The following PIP5K1B variants were observed in gnomAD, a reference collection of about 807,000 sequenced individuals.
PIP5K1B encodes the protein phosphatidylinositol 4-phosphate 5-kinase type-1 beta.
A neutral mutation model predicts 67.0 loss-of-function variants in PIP5K1B; 42 were observed. The observed-to-expected ratio is 0.63, with a 90% CI of 0.49 to 0.81. The LOEUF (loss-of-function observed/expected upper bound fraction) is 0.81. Among genes scored for constraint, PIP5K1B ranks in the 30% least tolerant of loss-of-function variants. The pLI, the probability that PIP5K1B is intolerant of heterozygous loss-of-function variation, is 0.00. For synonymous variants in PIP5K1B, 214 were observed against 231.4 expected (o/e 0.92, Z 0.68); for missense variants, 459 against 646.3 (o/e 0.71, Z 3.14).
At chr9:68,965,105 C>T (rs1315023833) in intron 14 of PIP5K1B, among the ~76,000 whole-genome samples, 1 of 152,168 alleles carries the variant, frequency 6.6e-6, no homozygotes, top group Non-Finnish European at 1.5e-5. Context: ...ATTAGAATGC[C>T]ACTCTGCTGT....
chr9:68,821,660 A>T (rs575749061), intron 3 of PIP5K1B, among the ~76,000 whole-genome samples: 4 of 152,354 alleles, frequency 2.6e-5, no homozygotes, highest in Admixed American at 2.6e-4. Context: ...AAATTTACCA[A>T]TATGTAGTAA....
intron 1 of PIP5K1B, chr9:68,739,814 C>T (rs1266918771): frequency 6.6e-6 from 1 of 152,258 alleles, no homozygotes; most frequent in Non-Finnish European, 1.5e-5. Flanking sequence ...ATTTCAGGTT[C>T]TCAGTCTAGG....
chr9:68,897,670 G>A (rs910316560), intron 8 of PIP5K1B, among the ~76,000 whole-genome samples: 2 of 152,176 alleles, frequency 1.3e-5, no homozygotes, highest in African/African-American at 4.8e-5. Flanking sequence ...TTCTGGTGGT[G>A]CCAGGGAGCT....
At chr9:68,940,426 AT>A (rs940482184) in intron 13 of PIP5K1B, among the ~76,000 whole-genome samples, 129 of 152,272 alleles carry the variant, frequency 8.5e-4, no homozygotes, top group African/African-American at 3.0e-3. Context: ...TCCATGAGCC[AT>A]TTTGTAAATT....
At chr9:68,957,752 A>C (rs1404170912) in intron 14 of PIP5K1B, among the ~76,000 whole-genome samples, 1 of 152,192 alleles carries the variant, frequency 6.6e-6, no homozygotes, top group Non-Finnish European at 1.5e-5. Context: ...GCACCTCTTA[A>C]GTGGGGTCTT....
chr9:68,978,938 A>C (rs1829761544), intron 14 of PIP5K1B, among the ~76,000 whole-genome samples: 1 of 152,154 alleles, frequency 6.6e-6, no homozygotes, highest in Non-Finnish European at 1.5e-5. Context: ...TCGGTGATCC[A>C]TCTCAAATTA....
intron 14 of PIP5K1B, among the ~76,000 whole-genome samples, chr9:68,942,461 A>AGTGGTG (rs565129924): frequency 6.6e-6 from 1 of 151,564 alleles, no homozygotes; most frequent in African/African-American, 2.4e-5. Context: ...TTTTGGTAGC[A>AGTGGTG]GTGGTGGTGG....
At chr9:68,832,714 G>C (rs1398481104) in intron 4 of PIP5K1B, among the ~76,000 whole-genome samples, 1 of 152,162 alleles carries the variant, frequency 6.6e-6, no homozygotes, top group African/African-American at 2.4e-5. Flanking sequence ...CAGAAATTGG[G>C]TTCAATTACT....
rs1335155054 is a variant in PIP5K1B at position 68,822,654 on chromosome 9, A to G, written c.40A>G (p.Lys14Glu). The change falls in exon 4 of 16, where the codon AAA becomes GAA. Residue 14 changes from lysine (K) to glutamate (E), a missense_variant. This residue lies in a region of PIP5K1B where 290 missense variants were observed against 474.4 expected (regional missense o/e 0.61). Transcript: ENST00000265382. Reference protein sequence around the residue: ...AAENGEAAPGKQNEEKTYKKT... With the variant: ...AAENGEAAPGEQNEEKTYKKT... The stretch of plus-strand genomic sequence containing the variant: ...TGAAAATGGAGAGGCAGCACCTGGA[A>G]AACAAAATGAAGAAAAAACCTATAA... The G allele has an allele frequency of 6.2e-7, 1 of 1,613,342 alleles. No individual in the cohort carries two copies. The highest frequency in any genetic ancestry group is 1.1e-5 in the South Asian group (1 of 91,004).
intron 2 of PIP5K1B, among the ~76,000 whole-genome samples, chr9:68,747,739 T>C (rs898179344): frequency 6.6e-6 from 1 of 152,116 alleles, no homozygotes; most frequent in Admixed American, 6.5e-5. Flanking sequence ...ATCCAAAAAG[T>C]AGAGTACTAG....
chr9:68,955,810 C>T (rs372490507), intron 14 of PIP5K1B, among the ~76,000 whole-genome samples: 5 of 152,108 alleles, frequency 3.3e-5, no homozygotes, highest in African/African-American at 1.2e-4. Flanking sequence ...GTTATGACTA[C>T]CATTAATTCA....
chr9:68,886,567 A>G (rs1824488144), intron 6 of PIP5K1B, among the ~76,000 whole-genome samples: 1 of 152,182 alleles, frequency 6.6e-6, no homozygotes, highest in Admixed American at 6.5e-5. Flanking sequence ...AACTCGAGGA[A>G]AAGGAAACAG....
intron 15 of PIP5K1B, among the ~76,000 whole-genome samples, chr9:68,997,620 T>G (rs1187893951): frequency 6.6e-6 from 1 of 152,148 alleles, no homozygotes; most frequent in Non-Finnish European, 1.5e-5. Context: ...TTAGGGCCCT[T>G]GTTTGTTTCC....
At chr9:68,721,110 C>T (rs1194009824) in intron 1 of PIP5K1B, among the ~76,000 whole-genome samples, 6 of 152,068 alleles carry the variant, frequency 3.9e-5, no homozygotes, top group African/African-American at 1.4e-4. Context: ...GTGTATCGGG[C>T]CAGACCATCG....
In PIP5K1B at chr9:68,967,943, T is replaced by C. The variant is rs368751196; in HGVS notation, c.1503-23197T>C. On this transcript the variant is annotated intron_variant, in intron 14 of 15. Coordinates refer to ENST00000265382, the MANE Select transcript of PIP5K1B (RefSeq NM_003558.4). ...AGGACTACACAGAATACCAGAAGGATTGCTCCCCAAAACCCAGTGAGCTGC... is the reference window on the plus strand; with the variant it reads ...AGGACTACACAGAATACCAGAAGGACTGCTCCCCAAAACCCAGTGAGCTGC... Among the ~76,000 whole-genome samples the C allele has an allele frequency of 2.0e-3, 22 of 10,790 alleles. 1 individual carries two copies. The highest frequency in any genetic ancestry group is 9.3e-3 in the Non-Finnish European group (9 of 968). The allele number at this position is 10,790 out of a possible 152,430, so 7.1% of individuals were successfully genotyped here. A position where few individuals can be genotyped will look rare whatever the true frequency, so the allele number is the denominator to read the frequency against.
chr9:68,940,540 G>A (rs977594596), intron 13 of PIP5K1B, 106 bp from the exon 14 acceptor site: 15 of 1,061,950 alleles, frequency 1.4e-5, no homozygotes, highest in African/African-American at 3.2e-5. Flanking sequence ...TGAATTTGCA[G>A]CCTGATAGGT....
At chr9:68,732,720 G>A (rs896912412) in intron 1 of PIP5K1B, among the ~76,000 whole-genome samples, 2 of 152,168 alleles carry the variant, frequency 1.3e-5, no homozygotes, top group Non-Finnish European at 2.9e-5. Context: ...ATGGCTTTTT[G>A]GGAGAGCTCA....
chr9:68,795,383 GTTAT>G (rs1427112202), intron 2 of PIP5K1B, among the ~76,000 whole-genome samples: 6 of 152,146 alleles, frequency 3.9e-5, no homozygotes, highest in Non-Finnish European at 8.8e-5. Flanking sequence ...AAATTGTAAA[GTTAT>G]TTATTCAGAA....
chr9:68,761,901 A>C (rs1466430110), intron 2 of PIP5K1B, among the ~76,000 whole-genome samples: 1 of 152,138 alleles, frequency 6.6e-6, no homozygotes, highest in Non-Finnish European at 1.5e-5. Context: ...GGATGTGGAC[A>C]TCTTTTGGCA....
Sources: allele counts gnomAD v4.1 joint callset (sites outside exome capture counted in the v4.1 genomes callset), GRCh38; gene constraint gnomAD v4.1.1; regional missense constraint gnomAD v4.1.1; transcripts MANE v1.5; gene names NCBI Gene and HGNC (gene_info 2026-07-23, HGNC 2026-07-21).